The following FHIT variants were observed in gnomAD, a reference collection of about 807,000 sequenced individuals.
FHIT encodes fragile histidine triad diadenosine triphosphatase, also known as bis(5'-adenosyl)-triphosphatase.
In FHIT, 19 loss-of-function variants were observed where a neutral mutation model predicts 17.9. The observed-to-expected ratio is 1.06, with a 90% CI of 0.74 to 1.56. The LOEUF (loss-of-function observed/expected upper bound fraction) is 1.56, where lower values mean the gene tolerates loss of function less well. Among genes scored for constraint, FHIT ranks in the 40% most tolerant of loss-of-function variants. The pLI, the probability that FHIT is intolerant of heterozygous loss-of-function variation, is 0.00. For synonymous variants in FHIT, 81 were observed against 69.7 expected (o/e 1.16, Z -0.81); for missense variants, 248 against 189.2 (o/e 1.31, Z -1.82).
At chr3:60,358,647 A>T (rs1699774127) in intron 5 of FHIT, among the ~76,000 whole-genome samples, 1 of 152,214 alleles carries the variant, frequency 6.6e-6, no homozygotes, top group Non-Finnish European at 1.5e-5. Flanking sequence ...CTAAGTAAAG[A>T]AGGGGCTGAT....
At position 60,935,761 on chromosome 3, in the gene FHIT, A is replaced by T. The variant is rs112501109; in HGVS notation, c.-111+106286T>A. On this transcript the variant is annotated intron_variant, in intron 3 of 9. Coordinates refer to ENST00000492590, the MANE Select transcript of FHIT (RefSeq NM_002012.4). ...TGAATTTCCAGGAGACTTAGGAAATATGTACAGAGAATAATCACTTCCTAA... is the reference window on the plus strand; with the variant it reads ...TGAATTTCCAGGAGACTTAGGAAATTTGTACAGAGAATAATCACTTCCTAA... Among the ~76,000 whole-genome samples, 1,230 of 152,346 alleles carry T rather than the reference A, an allele frequency of 8.1e-3. 8 individuals are homozygous for T. Among genetic ancestry groups the T allele is most frequent in the Middle Eastern group, 0.027 (8 of 294 alleles).
At chr3:60,688,716 GC>G (rs1553699008) in intron 4 of FHIT, among the ~76,000 whole-genome samples, 2 of 152,136 alleles carry the variant, frequency 1.3e-5, no homozygotes, top group African/African-American at 4.8e-5. Context: ...ACAGGTGTAA[GC>G]CCCTGTGTCC....
intron 2 of FHIT, among the ~76,000 whole-genome samples, chr3:61,162,480 G>C (rs1297939888): frequency 1.3e-5 from 2 of 152,150 alleles, no homozygotes; most frequent in African/African-American, 4.8e-5. Flanking sequence ...TGTATAAATG[G>C]TTTAGCAGTG....
intron 5 of FHIT, among the ~76,000 whole-genome samples, chr3:60,040,588 T>C (rs1017697889): frequency 6.6e-6 from 1 of 152,172 alleles, no homozygotes; most frequent in Non-Finnish European, 1.5e-5. Context: ...CTCCCAAGCC[T>C]GGTTCTGGCT....
At chr3:60,354,119 T>C (rs1049134055) in intron 5 of FHIT, among the ~76,000 whole-genome samples, 2 of 151,998 alleles carry the variant, frequency 1.3e-5, no homozygotes, top group Admixed American at 6.5e-5. Context: ...TCCTATGCTA[T>C]AATTAATTTT....
intron 5 of FHIT, among the ~76,000 whole-genome samples, chr3:60,248,345 A>T (rs1000808417): frequency 6.6e-6 from 1 of 152,174 alleles, no homozygotes; most frequent in Admixed American, 6.5e-5. Context: ...TAAGAGATCA[A>T]CTGGGGATCT....
At chr3:60,124,127 A>ATTGTAGC (rs1419147717) in intron 5 of FHIT, among the ~76,000 whole-genome samples, 3 of 146,334 alleles carry the variant, frequency 2.1e-5, no homozygotes, top group African/African-American at 7.6e-5. Flanking sequence ...ATCATGGCTC[A>ATTGTAGC]TTGTAGCTTT....
chr3:60,382,735 C>T (rs1291294837), intron 5 of FHIT, among the ~76,000 whole-genome samples: 1 of 152,060 alleles, frequency 6.6e-6, no homozygotes, highest in Non-Finnish European at 1.5e-5. Context: ...ACTGTGACTC[C>T]AATAGGGCTT....
intron 5 of FHIT, among the ~76,000 whole-genome samples, chr3:60,386,276 G>T (rs1701008105): frequency 6.6e-6 from 1 of 152,196 alleles, no homozygotes; most frequent in East Asian, 1.9e-4. Flanking sequence ...TTAAGCCAGA[G>T]ATCCTATGAG....
At chr3:60,556,344 G>T (rs2036738090) in intron 4 of FHIT, among the ~76,000 whole-genome samples, 1 of 152,190 alleles carries the variant, frequency 6.6e-6, no homozygotes, top group Admixed American at 6.5e-5. Flanking sequence ...TGGTCCCTCT[G>T]AAACTATGAC....
At position 60,937,931 on chromosome 3, in the gene FHIT, C is replaced by T. The variant is rs116065518; in HGVS notation, c.-111+104116G>A. On this transcript the variant is annotated intron_variant, in intron 3 of 9. Transcript: ENST00000492590. ...TCTAGGGGGATATCCCACAGTCTCA[C>T]ATAAATACCAATCCCTGTCGCTGGA... Among the ~76,000 whole-genome samples, 257 of 152,216 alleles carry T rather than the reference C, an allele frequency of 1.7e-3. 1 individual carries two copies. Among genetic ancestry groups the T allele is most frequent in the African/African-American group, 5.9e-3 (245 of 41,522 alleles).
intron 5 of FHIT, among the ~76,000 whole-genome samples, chr3:60,248,537 G>A (rs749100429): frequency 2.6e-5 from 4 of 152,078 alleles, no homozygotes; most frequent in South Asian, 2.1e-4. Context: ...ATGACATTTC[G>A]TTTCCATTTG....
At chr3:60,869,947 G>C (rs534606762) in intron 3 of FHIT, among the ~76,000 whole-genome samples, 18 of 152,096 alleles carry the variant, frequency 1.2e-4, no homozygotes, top group Non-Finnish European at 1.6e-4. Context: ...ATTTAGTGTG[G>C]ATTCTGACAA....
At chr3:59,769,032 T>G (rs1286877790) in intron 8 of FHIT, among the ~76,000 whole-genome samples, 1 of 152,192 alleles carries the variant, frequency 6.6e-6, no homozygotes, top group African/African-American at 2.4e-5. Flanking sequence ...CCTTCCCTCT[T>G]TTAAGGAAAG....
At chr3:60,062,301 T>C (rs1702324740) in intron 5 of FHIT, among the ~76,000 whole-genome samples, 1 of 152,160 alleles carries the variant, frequency 6.6e-6, no homozygotes, top group Non-Finnish European at 1.5e-5. Context: ...ATGTATTCTA[T>C]GCTGTGGAGT....
chr3:60,192,794 G>C (rs868019310), intron 5 of FHIT, among the ~76,000 whole-genome samples: 1 of 152,154 alleles, frequency 6.6e-6, no homozygotes, highest in Non-Finnish European at 1.5e-5. Flanking sequence ...GATAACTACA[G>C]GCTGCGTGAC....
chr3:61,016,718 C>G (rs1324047687), intron 3 of FHIT, among the ~76,000 whole-genome samples: 3 of 152,196 alleles, frequency 2.0e-5, no homozygotes, highest in Admixed American at 6.5e-5. Context: ...TCATAGCAAC[C>G]ATCAAGCATA....
At chr3:60,627,089 G>C (rs1553681177) in intron 4 of FHIT, among the ~76,000 whole-genome samples, 2 of 152,016 alleles carry the variant, frequency 1.3e-5, no homozygotes, top group Admixed American at 1.3e-4. Context: ...CAGTTTGCTT[G>C]TCTTCCACTG....
intron 1 of FHIT, among the ~76,000 whole-genome samples, chr3:61,207,382 T>A (rs974465227): frequency 6.6e-6 from 1 of 152,230 alleles, no homozygotes. Flanking sequence ...TGGAATAGTT[T>A]CAGAAGAACT....
Sources: allele counts gnomAD v4.1 joint callset (sites outside exome capture counted in the v4.1 genomes callset), GRCh38; gene constraint gnomAD v4.1.1; transcripts MANE v1.5; gene names NCBI Gene and HGNC (gene_info 2026-07-23, HGNC 2026-07-21).